Variants in DLC1 observed in about 807,000 individuals in gnomAD.
DLC1 encodes DLC1 Rho GTPase activating protein, also known as rho GTPase-activating protein 7.
In DLC1, 54 loss-of-function variants were observed where a neutral mutation model predicts 140.3. The ratio of observed to expected loss-of-function variants is 0.38; its 90% CI spans 0.31 to 0.48. The LOEUF is 0.48. DLC1 is among the 20% of genes least tolerant of loss of function. The probability of loss-of-function intolerance (pLI) is 0.96; values close to 1 mark genes in which losing one functional copy is unlikely to be tolerated. For synonymous variants in DLC1, 986 were observed against 728.1 expected (o/e 1.35, Z -5.70); for missense variants, 2,536 against 1,907.0 (o/e 1.33, Z -6.14).
At position 13,099,853 on chromosome 8, in the gene DLC1, G is replaced by C. The variant is rs748219952; in HGVS notation, c.2484C>G (p.Ser828=). The change falls in exon 9 of 18, where the codon TCC becomes TCG. Residue 828 remains serine (S), a synonymous_variant. Coordinates refer to ENST00000276297, the MANE Select transcript of DLC1 (RefSeq NM_182643.3). ...TCACAGAGCCGTTATTCCCCGAGGGGGAGAAACTGCCATTGGTGAGAGCTT... is the reference window on the plus strand; with the variant it reads ...TCACAGAGCCGTTATTCCCCGAGGGCGAGAAACTGCCATTGGTGAGAGCTT... The part of the protein sequence containing the change: ...FPKALTNGSF[S]PSGNNGSVNW... The C allele has an allele frequency of 9.3e-6, 15 of 1,614,082 alleles. No individual in the cohort carries two copies. Among genetic ancestry groups the C allele is most frequent in the Non-Finnish European group, 3.4e-6 (4 of 1,180,060 alleles).
chr8:13,588,195 A>G (rs574935852), intron 1 of DLC1, among the ~76,000 whole-genome samples: 3 of 152,192 alleles, frequency 2.0e-5, no homozygotes, highest in African/African-American at 7.2e-5. Flanking sequence ...AAAACAGATG[A>G]ACAATGGAAA....
intron 1 of DLC1, among the ~76,000 whole-genome samples, chr8:13,603,345 A>T (rs1055403778): frequency 2.6e-5 from 4 of 151,670 alleles, no homozygotes; most frequent in Admixed American, 2.6e-4. Context: ...TCTTACACAC[A>T]ATTCACTGAT....
intron 1 of DLC1, among the ~76,000 whole-genome samples, chr8:13,522,077 G>A (rs1252528524): frequency 3.9e-5 from 6 of 152,194 alleles, no homozygotes; most frequent in Non-Finnish European, 7.4e-5. Context: ...AAGGTTACGA[G>A]CCTTTGTCAG....
intron 1 of DLC1, among the ~76,000 whole-genome samples, chr8:13,562,262 T>C (rs998253987): frequency 1.2e-4 from 19 of 152,162 alleles, no homozygotes; most frequent in African/African-American, 4.6e-4. Flanking sequence ...AACTTTTACA[T>C]GGCAAAACAC....
intron 2 of DLC1, among the ~76,000 whole-genome samples, chr8:13,455,709 T>G (rs1483286661): frequency 2.0e-5 from 3 of 152,170 alleles, no homozygotes; most frequent in Non-Finnish European, 4.4e-5. Context: ...TCAGTCAAGT[T>G]GCATCTTATA....
At chr8:13,449,218 G>C (rs950539757) in intron 2 of DLC1, among the ~76,000 whole-genome samples, 4 of 152,128 alleles carry the variant, frequency 2.6e-5, no homozygotes. Context: ...TGTTGGACTT[G>C]AGTAAATAAT....
At chr8:13,588,754 G>T (rs965146011) in intron 1 of DLC1, among the ~76,000 whole-genome samples, 1 of 152,022 alleles carries the variant, frequency 6.6e-6, no homozygotes, top group Admixed American at 6.6e-5. Flanking sequence ...AAAGATATAG[G>T]CTTGGGATGC....
intron 5 of DLC1, among the ~76,000 whole-genome samples, chr8:13,240,726 T>C (rs1829510178): frequency 6.6e-6 from 1 of 152,178 alleles, no homozygotes; most frequent in Admixed American, 6.5e-5. Context: ...AGCCACTGCA[T>C]CTGGCCTGGC....
intron 5 of DLC1, among the ~76,000 whole-genome samples, chr8:13,283,403 A>T (rs1831434168): frequency 6.6e-6 from 1 of 152,190 alleles, no homozygotes; most frequent in South Asian, 2.1e-4. Context: ...AGAAGGTTTT[A>T]AAAAAATAGA....
At chr8:13,331,075 G>C (rs1833566757) in intron 4 of DLC1, among the ~76,000 whole-genome samples, 2 of 152,178 alleles carry the variant, frequency 1.3e-5, no homozygotes, top group African/African-American at 2.4e-5. Context: ...TTCGCCCAGA[G>C]CCAGGTTCCT....
At chr8:13,155,487 T>TA (rs917580970) in intron 5 of DLC1, among the ~76,000 whole-genome samples, 2 of 152,080 alleles carry the variant, frequency 1.3e-5, no homozygotes, top group Admixed American at 6.6e-5. Flanking sequence ...TCTATTTTTT[T>TA]AAAAAAACAT....
intron 5 of DLC1, among the ~76,000 whole-genome samples, chr8:13,297,189 A>G (rs576509878): frequency 6.7e-6 from 1 of 149,236 alleles, no homozygotes; most frequent in East Asian, 2.0e-4. Context: ...GGATTAGTTT[A>G]CATTAAGTTT....
intron 5 of DLC1, among the ~76,000 whole-genome samples, chr8:13,216,223 A>G (rs1828193850): frequency 6.6e-6 from 1 of 152,202 alleles, no homozygotes; most frequent in South Asian, 2.1e-4. Flanking sequence ...TCAGTGATGA[A>G]TTATTTTACA....
intron 5 of DLC1, among the ~76,000 whole-genome samples, chr8:13,204,827 A>G (rs2117082331): frequency 6.6e-6 from 1 of 152,358 alleles, no homozygotes; most frequent in African/African-American, 2.4e-5. Flanking sequence ...AACTGTTTTT[A>G]AATATTTATG....
At chr8:13,465,635 A>C (rs1490774465) in intron 2 of DLC1, among the ~76,000 whole-genome samples, 1 of 152,014 alleles carries the variant, frequency 6.6e-6, no homozygotes, top group Non-Finnish European at 1.5e-5. Flanking sequence ...TTTGAATACT[A>C]TTCTTTGTTT....
chr8:13,555,627 G>T (rs1421272746), intron 1 of DLC1, among the ~76,000 whole-genome samples: 2 of 151,836 alleles, frequency 1.3e-5, no homozygotes, highest in Non-Finnish European at 2.9e-5. Context: ...AAGTAGCTGA[G>T]ACTACAGGTG....
At chr8:13,517,000 TC>T (rs1351327353), upstream of DLC1, among the ~76,000 whole-genome samples, 2 of 152,210 alleles carry the variant, frequency 1.3e-5, no homozygotes, top group African/African-American at 4.8e-5. Context: ...TGGGAAGACT[TC>T]TTAAACTCTA....
chr8:13,426,426 T>A (rs1183992759), intron 2 of DLC1, among the ~76,000 whole-genome samples: 2 of 152,186 alleles, frequency 1.3e-5, no homozygotes, highest in African/African-American at 4.8e-5. Context: ...AATACCAACA[T>A]CTTTTAGTTA....
intron 5 of DLC1, among the ~76,000 whole-genome samples, chr8:13,246,176 T>A (rs549013520): frequency 8.5e-5 from 13 of 152,262 alleles, no homozygotes; most frequent in African/African-American, 3.1e-4. Context: ...TTAGAGGCTG[T>A]TTGCAATAAT....
Sources: gnomAD v4.1 joint callset for allele counts (sites outside exome capture counted in the v4.1 genomes callset) on GRCh38, gnomAD v4.1.1 for gene constraint, MANE v1.5 for transcripts, NCBI Gene and HGNC (gene_info 2026-07-23, HGNC 2026-07-21) for gene names.